The following GRM7 variants were observed in gnomAD, a reference collection of about 807,000 sequenced individuals.
The protein encoded by GRM7 is metabotropic glutamate receptor 7.
Under a neutral mutation model 84.5 loss-of-function variants are expected in GRM7, and 35 were observed. That is an observed-to-expected ratio of 0.41 (90% CI 0.32 to 0.55). The LOEUF is 0.55. GRM7 is among the 20% of genes least tolerant of loss of function. The probability of loss-of-function intolerance (pLI) is 0.19; values close to 1 mark genes in which losing one functional copy is unlikely to be tolerated. For missense variants in GRM7, 1,003 were observed against 1,194.6 expected (o/e 0.84, Z 2.36); for synonymous variants, 487 against 455.1 (o/e 1.07, Z -0.89).
chr3:7,426,658 C>T (rs1428571167), intron 5 of GRM7, among the ~76,000 whole-genome samples: 2 of 152,124 alleles, frequency 1.3e-5, no homozygotes, highest in Non-Finnish European at 2.9e-5. Context: ...TGACACTGTG[C>T]TCCTCAGTGT....
intron 9 of GRM7, among the ~76,000 whole-genome samples, chr3:7,698,491 T>C (rs1286228259): frequency 1.3e-5 from 2 of 152,204 alleles, no homozygotes; most frequent in African/African-American, 2.4e-5. Flanking sequence ...AAGTAGAGGA[T>C]CTTGGAGATA....
intron 9 of GRM7, among the ~76,000 whole-genome samples, chr3:7,726,411 T>C (rs1208743984): frequency 6.6e-6 from 1 of 151,832 alleles, no homozygotes; most frequent in Non-Finnish European, 1.5e-5. Context: ...ATAGAAAATG[T>C]AGCTTAAAAA....
At chr3:7,442,347 C>T (rs559313905) in intron 5 of GRM7, among the ~76,000 whole-genome samples, 59 of 152,100 alleles carry the variant, frequency 3.9e-4, no homozygotes, top group African/African-American at 1.4e-3. Flanking sequence ...TGAAATTGTT[C>T]TGGGAGCTTT....
intron 1 of GRM7, among the ~76,000 whole-genome samples, chr3:7,139,040 T>C (rs561060313): frequency 6.8e-6 from 1 of 147,866 alleles, no homozygotes; most frequent in Non-Finnish European, 1.5e-5. Context: ...ATAGTATATA[T>C]CCTACTTTAT....
chr3:7,102,351 T>C (rs1699140413), intron 1 of GRM7, among the ~76,000 whole-genome samples: 1 of 151,806 alleles, frequency 6.6e-6, no homozygotes, highest in Non-Finnish European at 1.5e-5. Context: ...CATTGTTCTA[T>C]TGTATGCTGG....
At chr3:6,998,119 CAA>C (rs3063449) in intron 1 of GRM7, among the ~76,000 whole-genome samples, 7 of 18,432 alleles carry the variant, frequency 3.8e-4, no homozygotes, top group Admixed American at 1.3e-3. Flanking sequence ...ATCTCCATCT[CAA>C]AAAAAAAAAA....
At chr3:7,037,496 C>T (rs7646099) in intron 1 of GRM7, among the ~76,000 whole-genome samples, 20,249 of 152,106 alleles carry the variant, frequency 0.13, 4,602 homozygotes, top group African/African-American at 0.46. Context: ...TGAGTGAATT[C>T]ATGTAAAGGG....
At chr3:7,198,137 G>A (rs1205502233) in intron 2 of GRM7, among the ~76,000 whole-genome samples, 1 of 141,980 alleles carries the variant, frequency 7.0e-6, no homozygotes, top group African/African-American at 2.7e-5. Flanking sequence ...TGAAGTTAAG[G>A]AATAAAGGAT....
chr3:7,481,579 A>G (rs964699696), intron 7 of GRM7, among the ~76,000 whole-genome samples: 5 of 152,182 alleles, frequency 3.3e-5, no homozygotes, highest in Admixed American at 3.3e-4. Context: ...CTGCTGAGAA[A>G]GGAGAAATAA....
intron 1 of GRM7, among the ~76,000 whole-genome samples, chr3:6,895,603 G>T (rs2124993852): frequency 6.6e-6 from 1 of 152,184 alleles, no homozygotes; most frequent in African/African-American, 2.4e-5. Flanking sequence ...CTTTTTGTTG[G>T]ATACCAAAGA....
At chr3:7,384,071 C>G (rs1694692796) in intron 4 of GRM7, among the ~76,000 whole-genome samples, 1 of 152,128 alleles carries the variant, frequency 6.6e-6, no homozygotes. Flanking sequence ...CTCTCTTGGC[C>G]AGGCTGGAGT....
chr3:6,930,804 T>C (rs1387653311), intron 1 of GRM7, among the ~76,000 whole-genome samples: 2 of 152,318 alleles, frequency 1.3e-5, no homozygotes, highest in East Asian at 3.9e-4. Context: ...GATAGTCTCA[T>C]TTTCTTGAGC....
At chr3:7,621,603 A>G (rs1448942350) in intron 8 of GRM7, among the ~76,000 whole-genome samples, 3 of 152,136 alleles carry the variant, frequency 2.0e-5, no homozygotes, top group Non-Finnish European at 4.4e-5. Flanking sequence ...GAACCACTTT[A>G]TAATTTATTT....
intron 2 of GRM7, among the ~76,000 whole-genome samples, chr3:7,287,990 G>A (rs577425033): frequency 2.6e-5 from 4 of 152,168 alleles, no homozygotes; most frequent in Admixed American, 2.0e-4. Flanking sequence ...ATCTAATGTG[G>A]CAAGCTGTTA....
At chr3:7,567,447 T>C (rs1036496905) in intron 7 of GRM7, among the ~76,000 whole-genome samples, 1 of 151,902 alleles carries the variant, frequency 6.6e-6, no homozygotes, top group African/African-American at 2.4e-5. Context: ...TTTCAGCAAA[T>C]GTTTTAAGAC....
chr3:7,414,363 G>A (rs1559305442), intron 4 of GRM7, among the ~76,000 whole-genome samples: 1 of 152,122 alleles, frequency 6.6e-6, no homozygotes, highest in African/African-American at 2.4e-5. Flanking sequence ...ACCTGCTCAT[G>A]GTTCCATGAC....
chr3:7,519,327 A>T (rs1205243191), intron 7 of GRM7, among the ~76,000 whole-genome samples: 1 of 151,398 alleles, frequency 6.6e-6, no homozygotes, highest in East Asian at 1.9e-4. Flanking sequence ...GCACCACTGC[A>T]CTCCAGGCTG....
intron 1 of GRM7, among the ~76,000 whole-genome samples, chr3:7,059,068 G>A (rs1309051666): frequency 6.6e-6 from 1 of 151,742 alleles, no homozygotes; most frequent in Admixed American, 6.6e-5. Context: ...TGTTAGTACA[G>A]GTCTTTGAAT....
intron 7 of GRM7, among the ~76,000 whole-genome samples, chr3:7,514,925 T>A (rs1265992117): frequency 1.3e-5 from 2 of 150,708 alleles, no homozygotes; most frequent in Admixed American, 6.6e-5. Flanking sequence ...TTAGCTGGAT[T>A]TTTTTTTTTC....
Sources: gnomAD v4.1 joint callset for allele counts (sites outside exome capture counted in the v4.1 genomes callset) on GRCh38, gnomAD v4.1.1 for gene constraint, MANE v1.5 for transcripts, NCBI Gene and HGNC (gene_info 2026-07-23, HGNC 2026-07-21) for gene names.